The following NAA40 variants were observed in gnomAD, a reference collection of about 807,000 sequenced individuals.
NAA40 encodes N-alpha-acetyltransferase 40.
In NAA40, 26 loss-of-function variants were observed where a neutral mutation model predicts 36.6. The ratio of observed to expected loss-of-function variants is 0.71; its 90% confidence interval spans 0.52 to 0.98. NAA40 has a LOEUF of 0.98. Among genes scored for constraint, NAA40 ranks in the 50% least tolerant of loss-of-function variants. The probability of loss-of-function intolerance (pLI) is 0.00; values close to 1 mark genes in which losing one functional copy is unlikely to be tolerated. For missense variants in NAA40, 237 were observed against 306.5 expected (o/e 0.77, Z 1.69); for synonymous variants, 129 against 108.4 (o/e 1.19, Z -1.18).
chr11:63,945,014 T>TTCTCA, intron 1 of NAA40, among the ~76,000 whole-genome samples: 1 of 151,758 alleles, frequency 6.6e-6, no homozygotes, highest in East Asian at 1.9e-4. Context: ...GGTGAGTGGG[T>TTCTCA]CTTAGGCCTG....
chr11:63,953,073 A>G (rs1590759654), intron 6 of NAA40, among the ~76,000 whole-genome samples: 2 of 128,054 alleles, frequency 1.6e-5, no homozygotes, highest in Non-Finnish European at 1.6e-5. Flanking sequence ...TTTGAGACAG[A>G]GTTTCACTCT....
Position 63,939,047 on chromosome 11 carries a change from TC to T in NAA40, c.-47del. On this transcript the variant is annotated 5_prime_UTR_variant, in exon 1 of 8. Transcript: ENST00000377793. ...TGTTGCAGCCACCGCCGTTGCCGCC[TC>T]CCTGCCGGCAAGTGTGTGAAGAAGA... is the stretch of plus-strand genomic sequence containing the variant. The T allele has an allele frequency of 6.4e-7, 1 of 1,562,482 alleles. No homozygotes were observed. The highest frequency in any genetic ancestry group is 2.5e-5 in the East Asian group (1 of 40,430).
In NAA40 at chr11:63,952,292, G is replaced by A. The variant is rs753121948; in HGVS notation, c.210G>A (p.Val70=). ...TGTCTGGACTGGAGCCAGCCACCGT[G>A]GATTGGGCCTTCGACCTGACCAAAA... ...KRVSGLEPAT[V]DWAFDLTKTN... is the part of the protein sequence containing the mutation. Residue 70 remains valine (V), a synonymous_variant, in exon 4 of 8, where the codon GTG becomes GTA. Coordinates refer to ENST00000377793, the MANE Select transcript of NAA40 (RefSeq NM_024771.4). 1.9e-6 allele frequency: 3 copies of A among 1,613,922 alleles called. No homozygotes were observed. The South Asian group carries it at 3.3e-5, about 18-fold the overall frequency.
Position 63,954,504 on chromosome 11 carries a change from C to A in NAA40, c.*25C>A. The A allele has an allele frequency of 6.3e-7, 1 of 1,579,060 alleles. No homozygotes were observed. Among genetic ancestry groups the A allele is most frequent in the South Asian group, 1.2e-5 (1 of 84,428 alleles). On this transcript the variant is annotated 3_prime_UTR_variant, in exon 8 of 8. Transcript: ENST00000377793. ...AACTCTCAGAGCCACTTTCAAGTCA[C>A]AATGCTCTCTCCTAAGGCCTTTCCT...
chr11:63,952,625 C>A, intron 5 of NAA40, 60 bp downstream of exon 5: 1 of 1,605,550 alleles, frequency 6.2e-7, no homozygotes, highest in East Asian at 2.2e-5. Flanking sequence ...TCCAGGCACT[C>A]CAGCCAGGTG....
At chr11:63,939,185 C>A in intron 1 of NAA40, 83 bp downstream of exon 1, 1 of 1,108,980 alleles carries the variant, frequency 9.0e-7, no homozygotes, top group Non-Finnish European at 1.2e-6. Flanking sequence ...ACCCCCCTCT[C>A]ACGTGACCCC....
intron 1 of NAA40, among the ~76,000 whole-genome samples, chr11:63,945,336 C>T (rs571934335): frequency 1.7e-4 from 26 of 152,158 alleles, no homozygotes; most frequent in Non-Finnish European, 3.5e-4. Context: ...AAATGAGACC[C>T]GGCTCCCACA....
chr11:63,950,765 T>G (rs1268138017), intron 3 of NAA40, among the ~76,000 whole-genome samples: 1 of 152,186 alleles, frequency 6.6e-6, no homozygotes, highest in Non-Finnish European at 1.5e-5. Flanking sequence ...CCCGGCCTCA[T>G]AGTGTTTTCA....
At chr11:63,946,838 G>T (rs943727937) in intron 2 of NAA40, 113 bp from the exon 3 acceptor site, 3 of 1,595,652 alleles carry the variant, frequency 1.9e-6, no homozygotes, top group African/African-American at 2.7e-5. Context: ...TCTGAAGTTA[G>T]TCTCCCGTTG....
Position 63,952,451 on chromosome 11 carries a change from A to G in NAA40, c.296A>G (p.Glu99Gly). Residue 99 changes from glutamate to glycine, a missense_variant, in exon 5 of 8, where the codon GAG (glutamate) becomes GGG (glycine). Transcript: ENST00000377793. ...GGCTGGAAGGACCGAGAGAAACGGG[A>G]GGAAATGACAGATGACCGAGCCTGG... ...EWGWKDREKR[E>G]EMTDDRAWYL... is the part of the protein sequence containing the mutation. 6.2e-7 allele frequency: 1 copy of G among 1,614,208 alleles called. No individual in the cohort carries two copies. Among genetic ancestry groups the G allele is most frequent in the Non-Finnish European group, 8.5e-7 (1 of 1,180,038 alleles).
Position 63,954,451 on chromosome 11 carries a change from G to A in NAA40, c.686G>A (p.Gly229Asp). The A allele has an allele frequency of 6.2e-7, 1 of 1,607,154 alleles. No individual in the cohort carries two copies. The highest frequency in any genetic ancestry group is 8.5e-7 in the Non-Finnish European group (1 of 1,177,164). The change falls in exon 8 of 8, where the codon GGT becomes GAT. Residue 229 changes from glycine (G) to aspartate (D), a missense_variant. By Grantham distance (94) the Gly-to-Asp change is moderately conservative. Transcript: ENST00000377793. ...GGGGACAGCCATCACTCCCACGCGG[G>A]TGGGCACTGTGGTGGCTGCTGCCAC... Reference protein sequence around the residue: ...KFGDSHHSHAGGHCGGCCH With the variant: ...KFGDSHHSHADGHCGGCCH
chr11:63,943,955 T>G (rs879604872), intron 1 of NAA40, among the ~76,000 whole-genome samples: 12 of 152,236 alleles, frequency 7.9e-5, no homozygotes, highest in Admixed American at 2.0e-4. Context: ...GAGTCCAGCC[T>G]TATGAAGACA....
At chr11:63,949,983 A>G (rs1942251479) in intron 3 of NAA40, among the ~76,000 whole-genome samples, 1 of 151,780 alleles carries the variant, frequency 6.6e-6, no homozygotes. Flanking sequence ...TGACCTTGTG[A>G]TCCGCCCGCC....
chr11:63,942,853 C>G (rs1942129389), intron 1 of NAA40, among the ~76,000 whole-genome samples: 1 of 152,206 alleles, frequency 6.6e-6, no homozygotes, highest in South Asian at 2.1e-4. Context: ...CCAGGCCTTG[C>G]TCTGAGGATT....
chr11:63,950,612 C>G (rs767027194), intron 3 of NAA40, among the ~76,000 whole-genome samples: 7 of 151,460 alleles, frequency 4.6e-5, no homozygotes, highest in Non-Finnish European at 7.4e-5. Flanking sequence ...ACAGGCACCC[C>G]CCACCACGCC....
chr11:63,952,174 G>A, intron 3 of NAA40, 64 bp from the exon 4 acceptor site: 10 of 1,275,492 alleles, frequency 7.8e-6, no homozygotes, highest in African/African-American at 1.5e-5. Context: ...TTCTGAGGGA[G>A]GAACAGCAGT....
chr11:63,949,790 G>A (rs12274687), intron 3 of NAA40, among the ~76,000 whole-genome samples: 2,710 of 145,412 alleles, frequency 0.019, 81 homozygotes, highest in African/African-American at 0.065. Flanking sequence ...TGTCACCCAG[G>A]CTGGAGTGCA....
At chr11:63,950,113 GT>G (rs1362519066) in intron 3 of NAA40, among the ~76,000 whole-genome samples, 2 of 103,998 alleles carry the variant, frequency 1.9e-5, no homozygotes, top group South Asian at 3.3e-4. Context: ...CTGGTATGAG[GT>G]TTTTTTTGTT....
intron 5 of NAA40, 36 bp downstream of exon 5, chr11:63,952,601 G>T: frequency 6.2e-7 from 1 of 1,610,254 alleles, no homozygotes; most frequent in East Asian, 2.2e-5. Flanking sequence ...AGGGGAGAGA[G>T]ACCCTGGCGA....
Sources: gnomAD v4.1 joint callset for allele counts (sites outside exome capture counted in the v4.1 genomes callset) on GRCh38, gnomAD v4.1.1 for gene constraint, MANE v1.5 for transcripts, NCBI Gene and HGNC (gene_info 2026-07-23, HGNC 2026-07-21) for gene names.